DIDO1: variants seen among roughly 807,000 people sequenced by gnomAD.
The protein encoded by DIDO1 is death-inducer obliterator 1.
In DIDO1, 16 loss-of-function variants were observed where a neutral mutation model predicts 99.4. The ratio of observed to expected loss-of-function variants is 0.16; its 90% CI spans 0.11 to 0.24. The LOEUF is 0.24. DIDO1 is among the 10% of genes least tolerant of loss of function. DIDO1 has a pLI of 1.00. For synonymous variants in DIDO1, 1,366 were observed against 1,239.1 expected (o/e 1.10, Z -2.15); for missense variants, 2,996 against 3,014.0 (o/e 0.99, Z 0.14).
intron 6 of DIDO1, among the ~76,000 whole-genome samples, chr20:62,898,587 T>C (rs572529546): frequency 6.6e-6 from 1 of 152,358 alleles, no homozygotes; most frequent in South Asian, 2.1e-4. Flanking sequence ...TGTATTTTCA[T>C]CTTAGGACCC....
intron 3 of DIDO1, 128 bp from the exon 4 acceptor site, chr20:62,910,148 C>G: frequency 9.8e-7 from 1 of 1,018,730 alleles, no homozygotes; most frequent in Non-Finnish European, 1.4e-6. Context: ...AGATTAAGAA[C>G]GTCCTCATGC....
chr20:62,916,026 G>C (rs1168365779), intron 1 of DIDO1, among the ~76,000 whole-genome samples: 1 of 152,102 alleles, frequency 6.6e-6, no homozygotes, highest in Admixed American at 6.5e-5. Flanking sequence ...CTTCAACAGA[G>C]AAAATTTACT....
chr20:62,918,536 A>G (rs2065078654), intron 1 of DIDO1, among the ~76,000 whole-genome samples: 1 of 152,232 alleles, frequency 6.6e-6, no homozygotes, highest in African/African-American at 2.4e-5. Context: ...TTAAGTTTCT[A>G]TTTTCATAAC....
upstream of DIDO1, among the ~76,000 whole-genome samples, chr20:62,929,692 A>AAAAAAAAAAAAAAAATATATAT: frequency 1.6e-5 from 1 of 63,736 alleles, no homozygotes; most frequent in African/African-American, 7.6e-5. Context: ...AAAAAGAAAA[A>AAAAAAAAAAAAAAAATATATAT]GTGTATATAT....
In DIDO1 at chr20:62,880,362, C is replaced by G; in HGVS notation, c.5594G>C (p.Gly1865Ala). The G allele has an allele frequency of 6.2e-7, 1 of 1,612,822 alleles. No homozygotes were observed. The highest frequency in any genetic ancestry group is 1.3e-5 in the African/African-American group (1 of 75,070). ...TGTCCCTTCAAACTGGGCGGGGGCG[C>G]CCGTCACCTCGTTATACGGGGCGTC... Reference protein sequence around the residue: ...FQDAPYNEVTGAPAQFEGTEQ... With the variant: ...FQDAPYNEVTAAPAQFEGTEQ... The change falls in exon 16 of 16, where the codon GGC becomes GCC. Residue 1865 changes from glycine (G) to alanine (A), a missense_variant. This residue lies in a region of DIDO1 where 1,562 missense variants were observed against 1,412.6 expected (regional missense o/e 1.11). Transcript: ENST00000395343.
At chr20:62,905,159 C>G in intron 6 of DIDO1, 1 of 1,044,478 alleles carries the variant, frequency 9.6e-7, no homozygotes, top group Non-Finnish European at 1.2e-6. Flanking sequence ...TCTAAACATT[C>G]AAGAGACGAG....
chr20:62,900,567 G>A (rs981638622), intron 6 of DIDO1, among the ~76,000 whole-genome samples: 4 of 152,180 alleles, frequency 2.6e-5, no homozygotes, highest in African/African-American at 7.2e-5. Flanking sequence ...TTAAAATATG[G>A]GGCAAGAGAC....
chr20:62,913,051 T>TA (rs947333631), intron 2 of DIDO1, among the ~76,000 whole-genome samples: 12 of 152,114 alleles, frequency 7.9e-5, no homozygotes, highest in Non-Finnish European at 1.3e-4. Context: ...AGAACGAAAA[T>TA]ACAAAATGGA....
upstream of DIDO1, among the ~76,000 whole-genome samples, chr20:62,928,247 A>T (rs2065286259): frequency 6.6e-6 from 1 of 152,308 alleles, no homozygotes; most frequent in South Asian, 2.1e-4. Context: ...GGGAATAGAA[A>T]GAGTGGACAA....
At chr20:62,905,361 G>T (rs571343987) in intron 6 of DIDO1, 4 of 1,442,064 alleles carry the variant, frequency 2.8e-6, no homozygotes, top group Admixed American at 2.8e-5. Context: ...TCCCCTATCT[G>T]CCCAGTCAAA....
rs909150761 is a variant in DIDO1 at position 62,888,521 on chromosome 20, C to T, written c.3541+2439G>A. The T allele has an allele frequency of 3.0e-6, 3 of 985,442 alleles. No homozygotes were observed. In the African/African-American group the frequency reaches 5.2e-5, roughly 17 times the overall value. The allele number at this position is 985,442 out of a possible 1,614,324, so 61.0% of individuals were successfully genotyped here. A position where few individuals can be genotyped will look rare whatever the true frequency, so the allele number is the denominator to read the frequency against. On this transcript the variant is annotated intron_variant, in intron 15 of 15. Coordinates refer to ENST00000395343, the MANE Select transcript of DIDO1 (RefSeq NM_001193369.2). Reference sequence around the variant, plus strand: ...TCCAAGCTGCGCAGCACACGCTCACCCCTGACCACAGCTCTGTGGAGTCAC... The same window carrying T: ...TCCAAGCTGCGCAGCACACGCTCACTCCTGACCACAGCTCTGTGGAGTCAC...
intron 6 of DIDO1, among the ~76,000 whole-genome samples, chr20:62,901,187 G>T: frequency 6.7e-6 from 1 of 149,590 alleles, no homozygotes; most frequent in South Asian, 2.1e-4. Context: ...GCTCCTCAGA[G>T]GAGACCATCA....
At chr20:62,930,287 CAG>C (rs2065320084), upstream of DIDO1, among the ~76,000 whole-genome samples, 1 of 151,702 alleles carries the variant, frequency 6.6e-6, no homozygotes, top group East Asian at 1.9e-4. Flanking sequence ...CACTGAGTAA[CAG>C]CACTGCCAGA....
chr20:62,912,602 AAGAC>A (rs2064967296), intron 2 of DIDO1, among the ~76,000 whole-genome samples: 1 of 152,222 alleles, frequency 6.6e-6, no homozygotes, highest in Non-Finnish European at 1.5e-5. Context: ...AAATCTGAAA[AAGAC>A]AGTAGATACT....
chr20:62,880,536 A>G lies in DIDO1; in HGVS notation c.5420T>C (p.Ile1807Thr), dbSNP rs1402326671. ...PARFGAQKGP[I>T]PSLFSGQHGP... ...ATGTTGCCCCGAGAATAAGGAAGGG[A>G]TGGGCCCCTTCTGGGCTCCGAATCT... Residue 1807 changes from isoleucine to threonine, a missense_variant, in exon 16 of 16, where the codon ATC becomes ACC. By Grantham distance (89) the Ile-to-Thr change is moderately conservative. This residue lies in a region of DIDO1 where 1,562 missense variants were observed against 1,412.6 expected (regional missense o/e 1.11). Coordinates refer to ENST00000395343, the MANE Select transcript of DIDO1 (RefSeq NM_001193369.2). The G allele has an allele frequency of 2.5e-6, 4 of 1,612,742 alleles. No individual in the cohort carries two copies. The highest frequency in any genetic ancestry group is 3.4e-6 in the Non-Finnish European group (4 of 1,179,950).
rs772970001 is a variant in DIDO1 at position 62,882,412 on chromosome 20, G to T, written c.3544C>A (p.Leu1182Ile). The change falls in exon 16 of 16, where the codon CTT becomes ATT. Residue 1182 changes from leucine (L) to isoleucine (I), a missense_variant and splice_region_variant. Transcript: ENST00000395343. Reference sequence around the variant, plus strand: ...ATTATATTCGGACGTGGTGACTCAAGACCTGAAAAACAAAATATTTGTGCA... The same window carrying T: ...ATTATATTCGGACGTGGTGACTCAATACCTGAAAAACAAAATATTTGTGCA... Reference protein sequence around the residue: ...SKLLPFEGPGLESPRPNIILG... With the variant: ...SKLLPFEGPGIESPRPNIILG... 1 of 1,600,766 alleles carries T rather than the reference G, an allele frequency of 6.2e-7. No homozygotes were observed. The highest frequency in any genetic ancestry group is 8.5e-7 in the Non-Finnish European group (1 of 1,173,172).
At chr20:62,907,456 A>T in intron 4 of DIDO1, 97 bp from the exon 5 acceptor site, 1 of 1,169,000 alleles carries the variant, frequency 8.6e-7, no homozygotes, top group South Asian at 1.4e-5. Flanking sequence ...TACCAAGGCC[A>T]CAGTTTCAAA....
chr20:62,923,121 G>C (rs925461264), intron 1 of DIDO1, among the ~76,000 whole-genome samples: 1 of 152,066 alleles, frequency 6.6e-6, no homozygotes, highest in Non-Finnish European at 1.5e-5. Context: ...CTGGCCTCTG[G>C]CCTCAGCCTC....
intron 4 of DIDO1, among the ~76,000 whole-genome samples, chr20:62,908,717 G>T (rs1437269460): frequency 3.9e-5 from 6 of 152,086 alleles, no homozygotes; most frequent in African/African-American, 1.4e-4. Context: ...AAAGATGTTG[G>T]GCGTGGTGGT....
Sources: gnomAD v4.1 joint callset for allele counts (sites outside exome capture counted in the v4.1 genomes callset) on GRCh38, gnomAD v4.1.1 for gene constraint, gnomAD v4.1.1 regional missense constraint, MANE v1.5 for transcripts, NCBI Gene and HGNC (gene_info 2026-07-23, HGNC 2026-07-21) for gene names.